MEX3C: variants seen among roughly 807,000 people sequenced by gnomAD.
MEX3C encodes the protein mex-3 RNA binding family member C.
MEX3C carries 15 observed loss-of-function variants against 35.5 expected under a neutral mutation model. The observed-to-expected ratio is 0.42, with a 90% confidence interval of 0.28 to 0.65. The LOEUF (loss-of-function observed/expected upper bound fraction) is 0.65, where lower values mean the gene tolerates loss of function less well. Among genes scored for constraint, MEX3C ranks in the 30% least tolerant of loss-of-function variants. MEX3C has a pLI of 0.20. For synonymous variants in MEX3C, 390 were observed against 352.8 expected, an observed-to-expected ratio of 1.11 and a Z score of -1.18; for missense variants, 711 against 842.8, an observed-to-expected ratio of 0.84 and a Z score of 1.94.
rs757446156 is a variant in MEX3C at position 51,176,514 on chromosome 18, T to G, written c.1817A>C (p.His606Pro). Residue 606 changes from histidine (H) to proline (P), a missense_variant, in exon 2 of 2, where the codon CAC (histidine) becomes CCC (proline). Around this residue, in one of 4 missense-constraint regions of MEX3C, gnomAD observed 87 missense variants for 150.4 expected, o/e 0.58. Coordinates refer to ENST00000406189, the MANE Select transcript of MEX3C (RefSeq NM_016626.5). Reference sequence around the variant, plus strand: ...ATTCTCAAAGCAAATCACACAGTCGTGCTTTCGTCTTGATTCTGGAGGTGA... The same window carrying G: ...ATTCTCAAAGCAAATCACACAGTCGGGCTTTCGTCTTGATTCTGGAGGTGA... ...SSSPPESRRK[H>P]DCVICFENEV... 1.2e-6 allele frequency: 2 copies of G among 1,614,014 alleles called. No individual in the cohort carries two copies. Among genetic ancestry groups the G allele is most frequent in the Non-Finnish European group, 1.7e-6 (2 of 1,179,888 alleles).
In MEX3C at chr18:51,177,360, G is replaced by A. The variant is rs1469234077; in HGVS notation, c.971C>T (p.Pro324Leu). Residue 324 changes from proline (P) to leucine (L), a missense_variant, in exon 2 of 2, where the codon CCC becomes CTC. Pro to Leu is a moderately conservative substitution (Grantham distance 98, BLOSUM62 -3). Around this residue, in one of 4 missense-constraint regions of MEX3C, gnomAD observed 83 missense variants for 179.1 expected, o/e 0.46. Transcript: ENST00000406189. This position sits in a 1 kb window ranked among gnomAD's most constrained non-coding sequence, Gnocchi z 4.2. ...LGGLSCSPNLPGQTTVQVRVP... is the reference protein window; with the variant it reads ...LGGLSCSPNLLGQTTVQVRVP... ...CCTGACTTGGACGGTGGTTTGACCGGGCAGATTAGGACTACATGATAATCC... is the reference window on the plus strand; with the variant it reads ...CCTGACTTGGACGGTGGTTTGACCGAGCAGATTAGGACTACATGATAATCC... The A allele has an allele frequency of 1.9e-6, 3 of 1,613,904 alleles. No homozygotes were observed. The highest frequency in any genetic ancestry group is 2.5e-6 in the Non-Finnish European group (3 of 1,179,886).
chr18:51,192,545 C>T (rs1912674303), intron 1 of MEX3C, among the ~76,000 whole-genome samples: 1 of 152,048 alleles, frequency 6.6e-6, no homozygotes, highest in Non-Finnish European at 1.5e-5. Context: ...AGTACAGACA[C>T]CAAAATTTTA....
rs949568350 is a variant in MEX3C, at chr18:51,197,271, GGGGCCGGGGCCGCCGCCA to G, written c.32_49del (p.Leu11_Ala16del). ...CGGCGGCGGGGGCGGCTGCGGCAGGGGGGCCGGGGCCGCCGCCAGGGCCAGGGCCGCGGAGCTGCCGCT... is the reference window on the plus strand; with the variant it reads ...CGGCGGCGGGGGCGGCTGCGGCAGGGGGGCCAGGGCCGCGGAGCTGCCGCT... On this transcript the variant is annotated inframe_deletion, in exon 1 of 2. Coordinates refer to ENST00000406189, the MANE Select transcript of MEX3C (RefSeq NM_016626.5). 5.9e-6 allele frequency: 5 copies of G among 846,358 alleles called. No individual in the cohort carries two copies. Among genetic ancestry groups the G allele is most frequent in the East Asian group, 1.3e-4 (1 of 7,980 alleles). The allele number at this position is 846,358 out of a possible 1,614,324, so 52.4% of individuals were successfully genotyped here.
chr18:51,188,255 C>A (rs527684900), intron 1 of MEX3C, among the ~76,000 whole-genome samples: 1 of 152,260 alleles, frequency 6.6e-6, no homozygotes, highest in East Asian at 1.9e-4. Flanking sequence ...GTAGCATCTA[C>A]TGTACTTCAA....
chr18:51,184,859 A>T (rs1404912277), intron 1 of MEX3C, among the ~76,000 whole-genome samples: 2 of 129,602 alleles, frequency 1.5e-5, no homozygotes, highest in African/African-American at 2.6e-5. Context: ...ACCCTGACCC[A>T]AAGAAAAGAA....
At chr18:51,194,597 G>A (rs1212089524) in intron 1 of MEX3C, 1 of 152,148 alleles carries the variant, frequency 6.6e-6, no homozygotes, top group Middle Eastern at 3.2e-3. Context: ...TATAATGAAG[G>A]ACTAAAGTTT....
At chr18:51,196,394 TCGC>T in intron 1 of MEX3C, 170 bp downstream of exon 1, 1 of 1,374,904 alleles carries the variant, frequency 7.3e-7, no homozygotes, top group East Asian at 2.8e-5. Flanking sequence ...GCGTGGGTTT[TCGC>T]AAGGTGACCC....
At chr18:51,180,039 G>C (rs1284601689) in intron 1 of MEX3C, among the ~76,000 whole-genome samples, 1 of 151,880 alleles carries the variant, frequency 6.6e-6, no homozygotes, top group Non-Finnish European at 1.5e-5. Flanking sequence ...AAGGGTCTAG[G>C]GTTGGTCCCT....
rs1055422997 is a variant in MEX3C at position 51,196,264 on chromosome 18, G to A, written c.754+303C>T. ...GAGCCCGACCTTTTACCACCTCACT[G>A]AGGTTTCTGGTGCCACGCCAGCCTG... On this transcript the variant is annotated intron_variant, in intron 1 of 1. Transcript: ENST00000406189. The A allele has an allele frequency of 7.9e-6, 4 of 504,680 alleles. No homozygotes were observed. The African/African-American group carries it at 8.2e-5, about 10-fold the overall frequency. 31.3% of individuals were successfully genotyped at this position (504,680 alleles called of 1,614,324 possible).
At chr18:51,181,998 ACTTT>A (rs1912442124) in intron 1 of MEX3C, among the ~76,000 whole-genome samples, 1 of 152,154 alleles carries the variant, frequency 6.6e-6, no homozygotes, top group African/African-American at 2.4e-5. Flanking sequence ...CTGCAGTTTC[ACTTT>A]CTATCATTTC....
At chr18:51,184,629 G>T (rs755871076) in intron 1 of MEX3C, among the ~76,000 whole-genome samples, 89 of 152,134 alleles carry the variant, frequency 5.9e-4, no homozygotes, top group Non-Finnish European at 8.5e-4. Flanking sequence ...AGCTGAGGTG[G>T]GAGGATCACT....
At chr18:51,182,327 T>C (rs950479079) in intron 1 of MEX3C, among the ~76,000 whole-genome samples, 2 of 152,170 alleles carry the variant, frequency 1.3e-5, no homozygotes, top group African/African-American at 4.8e-5. Flanking sequence ...GCAGGGTAAA[T>C]GATTTCGTAG....
At chr18:51,194,221 G>A (rs1331118695) in intron 1 of MEX3C, 1 of 152,206 alleles carries the variant, frequency 6.6e-6, no homozygotes, top group Non-Finnish European at 1.5e-5. Flanking sequence ...GGGTGGCAAA[G>A]GGGTCAATGA....
At position 51,176,824 on chromosome 18, in the gene MEX3C, G is replaced by C; in HGVS notation, c.1507C>G (p.Pro503Ala). 1.2e-6 allele frequency: 2 copies of C among 1,614,000 alleles called. No individual in the cohort carries two copies. The highest frequency in any genetic ancestry group is 1.7e-6 in the Non-Finnish European group (2 of 1,179,886). ...GTCCAGATAGTTTGAGCAGATGTTGGTAAAGAGTCAAAGGCAGGAGAGTCA... is the reference window on the plus strand; with the variant it reads ...GTCCAGATAGTTTGAGCAGATGTTGCTAAAGAGTCAAAGGCAGGAGAGTCA... ...AVDSPAFDSL[P>A]TSAQTIWTPF... The change falls in exon 2 of 2, where the codon CCA (proline) becomes GCA (alanine). Residue 503 changes from proline to alanine, a missense_variant. This residue lies in a region of MEX3C where 187 missense variants were observed against 201.7 expected (regional missense o/e 0.93). Transcript: ENST00000406189.
chr18:51,196,014 A>C (rs1912776852), intron 1 of MEX3C: 1 of 153,616 alleles, frequency 6.5e-6, no homozygotes, highest in Admixed American at 6.5e-5. Context: ...TGCTTTTCCA[A>C]AGCTAAGTTT....
chr18:51,188,341 C>T (rs1024412829), intron 1 of MEX3C, among the ~76,000 whole-genome samples: 7 of 152,272 alleles, frequency 4.6e-5, no homozygotes, highest in East Asian at 3.9e-4. Context: ...GTGACTTATG[C>T]CTGTAATCCC....
intron 1 of MEX3C, among the ~76,000 whole-genome samples, chr18:51,191,860 G>A (rs1455481357): frequency 6.6e-6 from 1 of 152,080 alleles, no homozygotes; most frequent in Non-Finnish European, 1.5e-5. Flanking sequence ...TTCTGATTTG[G>A]TTCTTTCCAA....
At chr18:51,185,573 G>A (rs1568233420) in intron 1 of MEX3C, among the ~76,000 whole-genome samples, 1 of 152,160 alleles carries the variant, frequency 6.6e-6, no homozygotes, top group Non-Finnish European at 1.5e-5. Flanking sequence ...TGTTGGGTGG[G>A]TGGGATTACT....
At chr18:51,181,494 A>C (rs1452708898) in intron 1 of MEX3C, among the ~76,000 whole-genome samples, 1 of 103,180 alleles carries the variant, frequency 9.7e-6, no homozygotes, top group African/African-American at 3.4e-5. Flanking sequence ...AAATAACAAA[A>C]ACCTTACAAC....
Sources: allele counts gnomAD v4.1 joint callset (sites outside exome capture counted in the v4.1 genomes callset), GRCh38; gene constraint gnomAD v4.1.1; regional missense constraint gnomAD v4.1.1; non-coding constraint Gnocchi (gnomAD v3.1); transcripts MANE v1.5; gene names NCBI Gene and HGNC (gene_info 2026-07-23, HGNC 2026-07-21).